Variants in OPCML observed in about 807,000 individuals in gnomAD.
OPCML encodes opioid binding protein/cell adhesion molecule like.
A neutral mutation model predicts 37.8 loss-of-function variants in OPCML; 13 were observed. That is an observed-to-expected ratio of 0.34 (90% CI 0.22 to 0.55). The LOEUF is 0.55. Ranked by LOEUF, OPCML falls within the 20% of genes least tolerant of loss-of-function variation. The pLI is 0.91. For synonymous variants in OPCML, 176 were observed against 168.8 expected, an observed-to-expected ratio of 1.04 and a Z score of -0.33; for missense variants, 341 against 435.6, an observed-to-expected ratio of 0.78 and a Z score of 1.93.
chr11:132,533,957 C>T (rs1276126244), intron 3 of OPCML, among the ~76,000 whole-genome samples: 2 of 152,158 alleles, frequency 1.3e-5, no homozygotes, highest in East Asian at 3.9e-4. Flanking sequence ...TCCTCACATT[C>T]CTATTATACA....
intron 2 of OPCML, among the ~76,000 whole-genome samples, chr11:132,806,494 G>A (rs768639817): frequency 1.1e-4 from 17 of 152,064 alleles, no homozygotes; most frequent in Non-Finnish European, 2.4e-4. Flanking sequence ...TCAGGAAAAA[G>A]TATATTACAA....
At chr11:132,865,076 C>T (rs555576335) in intron 2 of OPCML, among the ~76,000 whole-genome samples, 3 of 152,162 alleles carry the variant, frequency 2.0e-5, no homozygotes, top group Non-Finnish European at 2.9e-5. Flanking sequence ...TTTGATTTAC[C>T]GATGCAGGCA....
chr11:133,201,172 A>G (rs975491149), intron 1 of OPCML, among the ~76,000 whole-genome samples: 1 of 152,180 alleles, frequency 6.6e-6, no homozygotes, highest in Non-Finnish European at 1.5e-5. Flanking sequence ...AAAACTACCT[A>G]TCAGGTATTA....
At chr11:133,117,982 G>A in intron 1 of OPCML, 5 of 965,990 alleles carry the variant, frequency 5.2e-6, no homozygotes, top group Non-Finnish European at 6.2e-6. Flanking sequence ...TGCAAGTGGA[G>A]GAGACATCAA....
intron 1 of OPCML, among the ~76,000 whole-genome samples, chr11:133,473,755 C>T (rs1405901483): frequency 6.6e-6 from 1 of 152,204 alleles, no homozygotes; most frequent in Admixed American, 6.5e-5. Context: ...CTGGATCTAA[C>T]TTTGTGCCCA....
chr11:132,980,398 A>G (rs1946557940), intron 1 of OPCML, among the ~76,000 whole-genome samples: 1 of 152,274 alleles, frequency 6.6e-6, no homozygotes, highest in African/African-American at 2.4e-5. Flanking sequence ...TATTAACAAC[A>G]GTCTGACATC....
chr11:133,058,742 A>G (rs2136983059), intron 1 of OPCML, among the ~76,000 whole-genome samples: 1 of 152,316 alleles, frequency 6.6e-6, no homozygotes, highest in African/African-American at 2.4e-5. Flanking sequence ...AGTCTCATTT[A>G]CACTTTTTGC....
At chr11:133,335,527 A>G (rs1943726052) in intron 1 of OPCML, among the ~76,000 whole-genome samples, 1 of 151,778 alleles carries the variant, frequency 6.6e-6, no homozygotes, top group Non-Finnish European at 1.5e-5. Context: ...GTGGGCTATG[A>G]TATTACATAG....
intron 1 of OPCML, among the ~76,000 whole-genome samples, chr11:133,408,016 T>G (rs1945560331): frequency 6.6e-6 from 1 of 152,318 alleles, no homozygotes; most frequent in East Asian, 1.9e-4. Flanking sequence ...GAATGTGCAG[T>G]AAGCCCTCTC....
At chr11:133,419,275 G>A (rs981740587) in intron 1 of OPCML, 1 of 985,324 alleles carries the variant, frequency 1.0e-6, no homozygotes, top group African/African-American at 1.7e-5. Flanking sequence ...TTGAACATGT[G>A]GAATTTGTGA....
chr11:132,844,612 C>T (rs752906847), intron 2 of OPCML, among the ~76,000 whole-genome samples: 1 of 152,074 alleles, frequency 6.6e-6, no homozygotes, highest in African/African-American at 2.4e-5. Flanking sequence ...AGAGTATAGA[C>T]CAGGGCTAAA....
intron 2 of OPCML, among the ~76,000 whole-genome samples, chr11:132,873,828 T>A (rs1233168807): frequency 6.6e-6 from 1 of 150,632 alleles, no homozygotes; most frequent in Non-Finnish European, 1.5e-5. Context: ...ATAAAAAAAA[T>A]TAGAAAGTAA....
intron 1 of OPCML, among the ~76,000 whole-genome samples, chr11:133,215,223 A>G (rs995369261): frequency 6.6e-6 from 1 of 152,044 alleles, no homozygotes; most frequent in Non-Finnish European, 1.5e-5. Context: ...TGTGTGAGAG[A>G]GAGAGAGAGA....
At chr11:132,739,772 C>T (rs1050066784) in intron 2 of OPCML, among the ~76,000 whole-genome samples, 3 of 152,248 alleles carry the variant, frequency 2.0e-5, no homozygotes, top group East Asian at 1.9e-4. Flanking sequence ...TGTACCAGAG[C>T]CCAAAGCTAG....
At chr11:132,674,913 T>C (rs1208989137) in intron 2 of OPCML, among the ~76,000 whole-genome samples, 13 of 152,178 alleles carry the variant, frequency 8.5e-5, no homozygotes, top group Non-Finnish European at 4.4e-5. Context: ...TGAAGAAAAC[T>C]ATATTATCCA....
chr11:133,047,082 A>G (rs1591948584), intron 1 of OPCML, among the ~76,000 whole-genome samples: 1 of 152,222 alleles, frequency 6.6e-6, no homozygotes, highest in African/African-American at 2.4e-5. Flanking sequence ...AGACAAGGTG[A>G]TCATATCTTG....
At chr11:132,518,980 G>A (rs1236382918) in intron 4 of OPCML, among the ~76,000 whole-genome samples, 3 of 152,108 alleles carry the variant, frequency 2.0e-5, no homozygotes, top group African/African-American at 7.2e-5. Flanking sequence ...TATGATACAA[G>A]TGATATCCAT....
chr11:132,533,023 T>C (rs1013526955), intron 3 of OPCML, among the ~76,000 whole-genome samples: 18 of 152,186 alleles, frequency 1.2e-4, no homozygotes, highest in African/African-American at 4.3e-4. Context: ...AATGAATCTA[T>C]ACATATTGCT....
chr11:132,518,075 C>A (rs917375854), intron 4 of OPCML, among the ~76,000 whole-genome samples: 19 of 152,196 alleles, frequency 1.2e-4, no homozygotes, highest in African/African-American at 4.3e-4. Flanking sequence ...AAATTATTTT[C>A]TTTACTTTAA....
Sources: allele counts gnomAD v4.1 joint callset (sites outside exome capture counted in the v4.1 genomes callset), GRCh38; gene constraint gnomAD v4.1.1; transcripts MANE v1.5; gene names NCBI Gene and HGNC (gene_info 2026-07-23, HGNC 2026-07-21).